The following NEB variants were observed in gnomAD, a reference collection of about 807,000 sequenced individuals.
NEB encodes nemaline myopathy type 2.
A neutral mutation model predicts 952.2 loss-of-function variants in NEB; 512 were observed. That is an observed-to-expected ratio of 0.54 (90% CI 0.50 to 0.58). The LOEUF (loss-of-function observed/expected upper bound fraction) is 0.58, where lower values mean the gene tolerates loss of function less well. NEB is among the 20% of genes least tolerant of loss of function. NEB has a pLI of 0.00. For synonymous variants in NEB, 2,900 were observed against 3,149.8 expected (o/e 0.92, Z 2.66); for missense variants, 8,428 against 9,231.1 (o/e 0.91, Z 3.56).
chr2:151,562,840 G>A (rs2096155484), intron 119 of NEB, 32 bp from the exon 120 acceptor site: 2 of 1,441,232 alleles, frequency 1.4e-6, no homozygotes, highest in East Asian at 2.5e-5. Context: ...AATAAGAAAG[G>A]GGTTTAAATG....
chr2:151,609,769 A>C (rs368799447), intron 81 of NEB, 40 bp downstream of exon 81: 8 of 1,523,108 alleles, frequency 5.3e-6, no homozygotes, highest in Non-Finnish European at 7.1e-6. Flanking sequence ...ACAAATCTAC[A>C]TCTTCCCCTT....
chr2:151,648,673 C>T (rs73007940), intron 54 of NEB, among the ~76,000 whole-genome samples: 20,037 of 152,128 alleles, frequency 0.13, 1,783 homozygotes, highest in East Asian at 0.42. Flanking sequence ...GGCTTCTACC[C>T]ACTAGATGCC....
At chr2:151,644,229 C>A in intron 56 of NEB, 100 bp from the exon 57 acceptor site, 1 of 1,462,438 alleles carries the variant, frequency 6.8e-7, no homozygotes. Context: ...TTTTACTAAG[C>A]CTAGAGAGCC....
rs2099103152 is a variant in NEB, at chr2:151,657,832, A to G, written c.6183+151T>C. The G allele has an allele frequency of 6.3e-6, 4 of 631,052 alleles. No individual in the cohort carries two copies. The South Asian group carries it at 7.9e-5, about 12-fold the overall frequency. The allele number at this position is 631,052 out of a possible 1,614,324, so 39.1% of individuals were successfully genotyped here. A position where few individuals can be genotyped will look rare whatever the true frequency, so the allele number is the denominator to read the frequency against. ...CTTGGTGTTTTTTCAGAAATATCAG[A>G]GAAAACACAAAAGCAAGGTTAAGAA... On this transcript the variant is annotated intron_variant, in intron 48 of 181. Transcript: ENST00000397345.
intron 66 of NEB, 33 bp from the exon 67 acceptor site, chr2:151,630,852 C>A: frequency 1.3e-6 from 2 of 1,507,908 alleles, no homozygotes; most frequent in South Asian, 1.3e-5. Flanking sequence ...GATTAAAAAT[C>A]ATTTGAAATA....
In NEB at chr2:151,729,032, T is replaced by C. The variant is rs529524492; in HGVS notation, c.78+583A>G. On this transcript the variant is annotated intron_variant, in intron 4 of 181. Coordinates refer to ENST00000397345, the MANE Select transcript of NEB (RefSeq NM_001164508.2). ...TCATGCTCAAAGAGAAACAGCTGCA[T>C]GCAGAAAATAAAGCATGAGAGAGGT... is the stretch of plus-strand genomic sequence containing the variant. Among the ~76,000 whole-genome samples, 8 of 151,556 alleles carry C rather than the reference T, an allele frequency of 5.3e-5. No homozygotes were observed. The East Asian group carries it at 1.4e-3, about 26-fold the overall frequency.
In NEB at chr2:151,692,285, A is replaced by G. The variant is rs199528953; in HGVS notation, c.1974T>C (p.Asp658=). 410 of 1,613,880 alleles carry G rather than the reference A, an allele frequency of 2.5e-4. No individual in the cohort carries two copies. Among genetic ancestry groups the G allele is most frequent in the Admixed American group, 1.2e-3 (72 of 60,014 alleles). Residue 658 remains aspartate, a synonymous_variant, in exon 21 of 182, where the codon GAT becomes GAC. Coordinates refer to ENST00000397345, the MANE Select transcript of NEB (RefSeq NM_001164508.2). ...NYCETPKYQL[D]TQLKNFSEAR... ...CCTCACTGAAGTTCTTCAGCTGAGT[A>G]TCAAGTTGATATTTTGGGGTCTCAC...
At chr2:151,636,645 G>A (rs868564440) in intron 63 of NEB, among the ~76,000 whole-genome samples, 1 of 152,136 alleles carries the variant, frequency 6.6e-6, no homozygotes, top group African/African-American at 2.4e-5. Context: ...GCTGGGTGTG[G>A]TGGTGCATGC....
At chr2:151,510,517 C>G (rs560175225) in intron 161 of NEB, among the ~76,000 whole-genome samples, 2 of 152,290 alleles carry the variant, frequency 1.3e-5, no homozygotes, top group Admixed American at 1.3e-4. Context: ...TTTCACTTTC[C>G]ACGGTTTCAG....
At chr2:151,648,419 A>G (rs1468516126) in intron 54 of NEB, among the ~76,000 whole-genome samples, 1 of 152,180 alleles carries the variant, frequency 6.6e-6, no homozygotes, top group African/African-American at 2.4e-5. Flanking sequence ...ACCCTTTTGG[A>G]TTTAGTAACA....
chr2:151,709,585 A>G (rs371982926), intron 12 of NEB, 71 bp downstream of exon 12: 11 of 1,232,768 alleles, frequency 8.9e-6, no homozygotes, highest in African/African-American at 4.5e-5. Flanking sequence ...CTAATTATAT[A>G]CAAGAGCCAA....
chr2:151,554,930 C>A lies in NEB; in HGVS notation c.19428+1G>T, dbSNP rs111279988. ...ATTAAGGGGCGCATGACCGTACTTA[C>A]ATCGATGTTAAGCTTGCCAACTCGG... On this transcript the variant is annotated splice_donor_variant, in intron 125 of 181. Coordinates refer to ENST00000397345, the MANE Select transcript of NEB (RefSeq NM_001164508.2). LOFTEE classifies it high-confidence loss of function. 6.2e-7 allele frequency: 1 copy of A among 1,605,006 alleles called. No individual in the cohort carries two copies. The highest frequency in any genetic ancestry group is 8.5e-7 in the Non-Finnish European group (1 of 1,171,810).
intron 110 of NEB, 73 bp from the exon 111 acceptor site, chr2:151,568,789 T>G: frequency 9.3e-7 from 1 of 1,077,322 alleles, no homozygotes; most frequent in Non-Finnish European, 1.3e-6. Context: ...TACACTAAAT[T>G]TAGAGTCCTT....
intron 24 of NEB, chr2:151,690,425 GTTTA>G (rs1220699768): frequency 1.1e-5 from 3 of 276,964 alleles, no homozygotes; most frequent in South Asian, 4.3e-5. Context: ...TGTTGTCACT[GTTTA>G]TTTAAGTTGG....
In NEB at chr2:151,576,574, C is replaced by T. The variant is rs1488355691; in HGVS notation, c.16705-220G>A. ...TGAGACAGAGTCTCATTCTGTCACC[C>T]AGGCTGGAGTGCAATGGCACAATCT... On this transcript the variant is annotated intron_variant, in intron 105 of 181. Coordinates refer to ENST00000397345, the MANE Select transcript of NEB (RefSeq NM_001164508.2). Among the ~76,000 whole-genome samples, 3 of 122,630 alleles carry T rather than the reference C, an allele frequency of 2.4e-5. No homozygotes were observed. In the East Asian group the frequency reaches 7.1e-4, roughly 29 times the overall value. The allele number at this position is 122,630 out of a possible 152,430, so 80.5% of individuals were successfully genotyped here.
intron 161 of NEB, among the ~76,000 whole-genome samples, chr2:151,508,539 C>T (rs989521741): frequency 5.3e-5 from 8 of 152,184 alleles, no homozygotes; most frequent in Non-Finnish European, 1.0e-4. Flanking sequence ...AAAGACATGA[C>T]CTCTAGAAAG....
chr2:151,526,809 C>T (rs2086400230), intron 148 of NEB, 109 bp downstream of exon 148: 2 of 817,966 alleles, frequency 2.4e-6, no homozygotes, highest in Non-Finnish European at 4.1e-6. Context: ...CATACCTGAG[C>T]CCTGATGGAA....
chr2:151,642,738 A>G (rs1027512488), intron 59 of NEB, 27 bp downstream of exon 59: 10 of 1,603,564 alleles, frequency 6.2e-6, no homozygotes, highest in South Asian at 3.3e-5. Flanking sequence ...AGGAAAATGT[A>G]TCACGCACTA....
intron 28 of NEB, 53 bp from the exon 29 acceptor site, chr2:151,682,822 T>A: frequency 6.8e-7 from 1 of 1,460,576 alleles, no homozygotes; most frequent in South Asian, 1.2e-5. Flanking sequence ...CCTCATTATG[T>A]AAAATCATCA....
Sources: gnomAD v4.1 joint callset for allele counts (sites outside exome capture counted in the v4.1 genomes callset) on GRCh38, gnomAD v4.1.1 for gene constraint, MANE v1.5 for transcripts, NCBI Gene and HGNC (gene_info 2026-07-23, HGNC 2026-07-21) for gene names.